The following PACRG variants were observed in gnomAD, a reference collection of about 807,000 sequenced individuals.
PACRG encodes parkin coregulated gene protein.
In PACRG, 29 loss-of-function variants were observed where a neutral mutation model predicts 29.7. That is an observed-to-expected ratio of 0.98 (90% CI 0.73 to 1.33). The LOEUF is 1.33. PACRG is among the 40% of genes most tolerant of loss of function. The probability of loss-of-function intolerance (pLI) is 0.00; values close to 1 mark genes in which losing one functional copy is unlikely to be tolerated. For missense variants in PACRG, 279 were observed against 316.2 expected (o/e 0.88, Z 0.89); for synonymous variants, 116 against 118.7 (o/e 0.98, Z 0.15).
chr6:163,241,828 G>T (rs1782520541), intron 4 of PACRG, among the ~76,000 whole-genome samples: 1 of 152,182 alleles, frequency 6.6e-6, no homozygotes, highest in South Asian at 2.1e-4. Context: ...CCAAAGGGGG[G>T]GCACGGGCTG....
intron 2 of PACRG, among the ~76,000 whole-genome samples, chr6:162,986,892 C>A (rs1802942522): frequency 6.6e-6 from 1 of 151,626 alleles, no homozygotes; most frequent in South Asian, 2.1e-4. Context: ...TTTATGATAT[C>A]TGTTTCCCTG....
rs540740469 is a variant in PACRG, at chr6:163,041,523, G to A, written c.292-20627G>A. 4.6e-5 allele frequency among the ~76,000 whole-genome samples: 7 copies of A among 152,092 alleles called. No individual in the cohort carries two copies. The South Asian group carries it at 1.0e-3, about 23-fold the overall frequency. On this transcript the variant is annotated intron_variant, in intron 2 of 4. Coordinates refer to ENST00000366888, the MANE Select transcript of PACRG (RefSeq NM_001080379.2). ...TCTCTCCAGCCACCATGTAAGACAC[G>A]CCTTGCTTCCCCTTAGCCTTCTGCC...
intron 2 of PACRG, among the ~76,000 whole-genome samples, chr6:162,885,047 C>T (rs973212098): frequency 1.3e-5 from 2 of 152,114 alleles, no homozygotes; most frequent in Non-Finnish European, 2.9e-5. Flanking sequence ...ATGTTACCCA[C>T]ATCACTTGCC....
intron 4 of PACRG, among the ~76,000 whole-genome samples, chr6:163,256,290 A>C (rs953914806): frequency 6.6e-6 from 1 of 152,182 alleles, no homozygotes; most frequent in Non-Finnish European, 1.5e-5. Context: ...AGTTTAACAA[A>C]CACATGCTGA....
intron 4 of PACRG, among the ~76,000 whole-genome samples, chr6:163,302,968 A>C (rs1161605883): frequency 6.6e-6 from 1 of 152,166 alleles, no homozygotes; most frequent in Non-Finnish European, 1.5e-5. Flanking sequence ...AAGGCTTCTA[A>C]GTTCTGAGTT....
At chr6:162,996,691 A>G (rs1804091581) in intron 2 of PACRG, among the ~76,000 whole-genome samples, 1 of 152,190 alleles carries the variant, frequency 6.6e-6, no homozygotes, top group Non-Finnish European at 1.5e-5. Flanking sequence ...TTGGCCTTAT[A>G]CAATATTATA....
At chr6:163,038,727 T>C (rs1808423865) in intron 2 of PACRG, among the ~76,000 whole-genome samples, 1 of 152,146 alleles carries the variant, frequency 6.6e-6, no homozygotes, top group South Asian at 2.1e-4. Context: ...TACATAAGCA[T>C]AATAAATGCC....
At chr6:163,038,845 A>G (rs1376099195) in intron 2 of PACRG, among the ~76,000 whole-genome samples, 1 of 152,212 alleles carries the variant, frequency 6.6e-6, no homozygotes, top group Non-Finnish European at 1.5e-5. Context: ...TCCTATGGGA[A>G]TAGGAAACAC....
At chr6:162,911,326 G>T (rs1445616283) in intron 2 of PACRG, among the ~76,000 whole-genome samples, 1 of 152,190 alleles carries the variant, frequency 6.6e-6, no homozygotes, top group Non-Finnish European at 1.5e-5. Flanking sequence ...AAGTACAAGT[G>T]TGTGAGATTT....
chr6:163,145,642 C>T (rs968990009), intron 4 of PACRG, among the ~76,000 whole-genome samples: 4 of 152,206 alleles, frequency 2.6e-5, no homozygotes, highest in African/African-American at 9.6e-5. Flanking sequence ...GAACATCCCA[C>T]ACTACACAGG....
intron 4 of PACRG, among the ~76,000 whole-genome samples, chr6:163,194,955 C>T (rs954434638): frequency 6.6e-6 from 1 of 152,116 alleles, no homozygotes; most frequent in African/African-American, 2.4e-5. Context: ...ATTTGGGGCT[C>T]TTCAAGTGCC....
intron 1 of PACRG, among the ~76,000 whole-genome samples, chr6:162,799,703 A>G (rs1262676815): frequency 6.6e-6 from 1 of 151,942 alleles, no homozygotes; most frequent in African/African-American, 2.4e-5. Flanking sequence ...TTAAATAGCT[A>G]TAGTTTTTTC....
chr6:162,727,636 G>A (rs1779347195), upstream of PACRG: 2 of 1,581,690 alleles, frequency 1.3e-6, no homozygotes, highest in Non-Finnish European at 8.6e-7. Context: ...GCGCAGAGAG[G>A]CTGTACCTGG....
chr6:163,296,964 A>T (rs751946657), intron 4 of PACRG, among the ~76,000 whole-genome samples: 5 of 152,258 alleles, frequency 3.3e-5, no homozygotes, highest in African/African-American at 2.4e-5. Context: ...GATCACATGT[A>T]CTGAACTATC....
intron 4 of PACRG, among the ~76,000 whole-genome samples, chr6:163,117,637 G>A (rs902195383): frequency 1.3e-5 from 2 of 151,932 alleles, no homozygotes; most frequent in African/African-American, 4.8e-5. Flanking sequence ...TGTAATCCCA[G>A]CTACTCAGGA....
intron 4 of PACRG, among the ~76,000 whole-genome samples, chr6:163,232,821 C>G (rs370934985): frequency 2.6e-5 from 4 of 152,174 alleles, no homozygotes; most frequent in African/African-American, 4.8e-5. Context: ...TCACCTACCC[C>G]CCAGCTCACG....
At position 163,011,019 on chromosome 6, in the gene PACRG, A is replaced by G. The variant is rs568528891; in HGVS notation, c.292-51131A>G. ...CTCTTTTCTGCACATAGGTGCTCTC[A>G]GGTGGAAAAGGGAGAAGCTGTGCCA... On this transcript the variant is annotated intron_variant, in intron 2 of 4. Coordinates refer to ENST00000366888, the MANE Select transcript of PACRG (RefSeq NM_001080379.2). Among the ~76,000 whole-genome samples, 421 of 151,726 alleles carry G rather than the reference A, an allele frequency of 2.8e-3. 1 individual carries two copies. The highest frequency in any genetic ancestry group is 0.01 in the Middle Eastern group (3 of 294).
At chr6:163,294,268 G>T (rs1156749578) in intron 4 of PACRG, among the ~76,000 whole-genome samples, 4 of 152,070 alleles carry the variant, frequency 2.6e-5, no homozygotes, top group Non-Finnish European at 4.4e-5. Context: ...ATACGAAATT[G>T]CAGGGAAGTA....
rs533488991 is a variant in PACRG, at chr6:162,877,452, G to A, written c.291+63171G>A. On this transcript the variant is annotated intron_variant, in intron 2 of 4. Coordinates refer to ENST00000366888, the MANE Select transcript of PACRG (RefSeq NM_001080379.2). ...GCCTGTTGGGAGGTTGGGGGCTAGGGGAGGGATAGCATTGGGAGAAATACC... is the reference window on the plus strand; with the variant it reads ...GCCTGTTGGGAGGTTGGGGGCTAGGAGAGGGATAGCATTGGGAGAAATACC... 6.6e-5 allele frequency among the ~76,000 whole-genome samples: 10 copies of A among 152,206 alleles called. No individual in the cohort carries two copies. In the South Asian group the frequency reaches 2.1e-3, roughly 32 times the overall value.
Sources: allele counts gnomAD v4.1 joint callset (sites outside exome capture counted in the v4.1 genomes callset), GRCh38; gene constraint gnomAD v4.1.1; transcripts MANE v1.5; gene names NCBI Gene and HGNC (gene_info 2026-07-23, HGNC 2026-07-21).